Variants in CDK17 observed in about 807,000 individuals in gnomAD.
The protein encoded by CDK17 is cyclin dependent kinase 17, also known as cyclin-dependent kinase 17.
A neutral mutation model predicts 77.6 loss-of-function variants in CDK17; 24 were observed. The observed-to-expected ratio is 0.31, with a 90% CI of 0.22 to 0.44. The LOEUF (loss-of-function observed/expected upper bound fraction) is 0.44, where lower values mean the gene tolerates loss of function less well. Among genes scored for constraint, CDK17 ranks in the 20% least tolerant of loss-of-function variants. The probability of loss-of-function intolerance (pLI) is 1.00; values close to 1 mark genes in which losing one functional copy is unlikely to be tolerated. For missense variants in CDK17, 429 were observed against 622.5 expected, an observed-to-expected ratio of 0.69 and a Z score of 3.31; for synonymous variants, 203 against 210.4, an observed-to-expected ratio of 0.96 and a Z score of 0.30.
At chr12:96,329,983 G>C (rs1158051887) in intron 2 of CDK17, among the ~76,000 whole-genome samples, 1 of 152,200 alleles carries the variant, frequency 6.6e-6, no homozygotes, top group Admixed American at 6.5e-5. Flanking sequence ...GTGACATTCT[G>C]TTAGGTTTAT....
chr12:96,329,443 C>T (rs561250516), intron 2 of CDK17, among the ~76,000 whole-genome samples: 1 of 152,018 alleles, frequency 6.6e-6, no homozygotes, highest in East Asian at 1.9e-4. Flanking sequence ...CACTAAGAAA[C>T]GTTATTTGGC....
chr12:96,364,785 T>C (rs912164211), intron 1 of CDK17, among the ~76,000 whole-genome samples: 1 of 152,200 alleles, frequency 6.6e-6, no homozygotes, highest in African/African-American at 2.4e-5. Flanking sequence ...ACTTCAACAA[T>C]TTCCTTGAAA....
At chr12:96,372,399 T>C (rs1490470422) in intron 1 of CDK17, among the ~76,000 whole-genome samples, 2 of 152,156 alleles carry the variant, frequency 1.3e-5, no homozygotes, top group Non-Finnish European at 2.9e-5. Flanking sequence ...AAAACTACCA[T>C]TATCTTCAGA....
At chr12:96,356,946 AATTG>A (rs1318734203) in intron 1 of CDK17, among the ~76,000 whole-genome samples, 1 of 152,234 alleles carries the variant, frequency 6.6e-6, no homozygotes, top group African/African-American at 2.4e-5. Flanking sequence ...ATGAATAATA[AATTG>A]ATTTGCAGAT....
intron 1 of CDK17, among the ~76,000 whole-genome samples, chr12:96,354,870 T>C (rs1035217798): frequency 2.0e-5 from 3 of 151,972 alleles, no homozygotes; most frequent in African/African-American, 7.3e-5. Context: ...GGAATCAGAG[T>C]GAGACCCCAA....
At chr12:96,292,597 CCT>C (rs1259275999) in intron 10 of CDK17, among the ~76,000 whole-genome samples, 1 of 151,788 alleles carries the variant, frequency 6.6e-6, no homozygotes, top group Non-Finnish European at 1.5e-5. Flanking sequence ...AGAGCAAGAC[CCT>C]GTCTCAAAAC....
chr12:96,377,794 C>G (rs1464348091), intron 1 of CDK17, among the ~76,000 whole-genome samples: 1 of 150,538 alleles, frequency 6.6e-6, no homozygotes, highest in Admixed American at 6.6e-5. Flanking sequence ...CCCGGGTTCA[C>G]GCCATTCTCC....
chr12:96,393,822 A>G (rs1456514693), intron 1 of CDK17, among the ~76,000 whole-genome samples: 3 of 152,226 alleles, frequency 2.0e-5, no homozygotes, highest in African/African-American at 7.2e-5. Flanking sequence ...ATAAAATACT[A>G]AAATCTAAGT....
At chr12:96,336,101 G>A (rs907710757) in intron 1 of CDK17, among the ~76,000 whole-genome samples, 2 of 151,964 alleles carry the variant, frequency 1.3e-5, no homozygotes, top group Admixed American at 6.6e-5. Context: ...TTAAAAGCTG[G>A]GGGGGGAGGT....
intron 7 of CDK17, among the ~76,000 whole-genome samples, chr12:96,298,475 C>T (rs983533342): frequency 6.6e-6 from 1 of 152,078 alleles, no homozygotes; most frequent in African/African-American, 2.4e-5. Context: ...TTTTTCCCCT[C>T]CACATTACTA....
chr12:96,381,167 T>C (rs931022999), intron 1 of CDK17, among the ~76,000 whole-genome samples: 1 of 152,224 alleles, frequency 6.6e-6, no homozygotes, highest in Non-Finnish European at 1.5e-5. Flanking sequence ...CTAAGCCTTC[T>C]GAGGACATTC....
intron 1 of CDK17, among the ~76,000 whole-genome samples, chr12:96,397,569 G>A (rs530313611): frequency 6.6e-6 from 1 of 152,146 alleles, no homozygotes; most frequent in African/African-American, 2.4e-5. Flanking sequence ...ATATTAACAA[G>A]ACTTTAATTC....
intron 5 of CDK17, among the ~76,000 whole-genome samples, chr12:96,309,254 T>C (rs1484393030): frequency 6.6e-6 from 1 of 152,180 alleles, no homozygotes; most frequent in Non-Finnish European, 1.5e-5. Context: ...GTACATGAAG[T>C]TTCCTCTTCT....
chr12:96,316,526 G>A lies in CDK17; in HGVS notation c.284-3072C>T, dbSNP rs370712130. The stretch of plus-strand genomic sequence containing the variant: ...CAGGGCACAGACAAACAAAAAGACA[G>A]CAGGAACCTCTGCAGACTTAAATGT... On this transcript the variant is annotated intron_variant, in intron 3 of 16. Transcript: ENST00000261211. Among the ~76,000 whole-genome samples, 99 of 149,826 alleles carry A rather than the reference G, an allele frequency of 6.6e-4. No individual in the cohort carries two copies. In the East Asian group the frequency reaches 0.012, roughly 18 times the overall value.
At chr12:96,327,192 GGGGATT>G (rs1490899643) in intron 2 of CDK17, among the ~76,000 whole-genome samples, 1 of 152,264 alleles carries the variant, frequency 6.6e-6, no homozygotes, top group East Asian at 1.9e-4. Context: ...CCAATGGTGG[GGGGATT>G]GGGAGAAGGG....
chr12:96,293,389 C>G (rs1484854101), intron 10 of CDK17, among the ~76,000 whole-genome samples: 2 of 152,074 alleles, frequency 1.3e-5, no homozygotes, highest in East Asian at 3.9e-4. Flanking sequence ...TTTTTGCATT[C>G]TGTGTGTCGT....
At chr12:96,315,500 C>A (rs1052354764) in intron 3 of CDK17, among the ~76,000 whole-genome samples, 3 of 152,144 alleles carry the variant, frequency 2.0e-5, no homozygotes, top group African/African-American at 7.2e-5. Flanking sequence ...GTGATTGATT[C>A]CTAACCTCTT....
chr12:96,280,197 T>G lies in CDK17; in HGVS notation c.*45A>C. On this transcript the variant is annotated 3_prime_UTR_variant, in exon 17 of 17. Coordinates refer to ENST00000261211, the MANE Select transcript of CDK17 (RefSeq NM_002595.5). The stretch of plus-strand genomic sequence containing the variant: ...TTGCCTTCAGTTCTGAGTCCTTGAT[T>G]GGTAAGAAAGGCTGGGGGCTGGGCT... The G allele has an allele frequency of 6.5e-7, 1 of 1,542,198 alleles. No homozygotes were observed. The highest frequency in any genetic ancestry group is 8.8e-7 in the Non-Finnish European group (1 of 1,142,112).
chr12:96,311,916 A>C (rs1952649986), intron 4 of CDK17, among the ~76,000 whole-genome samples: 1 of 152,202 alleles, frequency 6.6e-6, no homozygotes, highest in Non-Finnish European at 1.5e-5. Context: ...ACAAAATAAA[A>C]TGCCTAAAAT....
Sources: allele counts gnomAD v4.1 joint callset (sites outside exome capture counted in the v4.1 genomes callset), GRCh38; gene constraint gnomAD v4.1.1; transcripts MANE v1.5; gene names NCBI Gene and HGNC (gene_info 2026-07-23, HGNC 2026-07-21).